Variants in TWIST2 observed in about 807,000 individuals in gnomAD.
TWIST2 encodes the protein twist family bHLH transcription factor 2, also known as twist-related protein 2.
Under a neutral mutation model 11.6 loss-of-function variants are expected in TWIST2, and 1 was observed. The observed-to-expected ratio is 0.09, with a 90% confidence interval of 0.03 to 0.41. The LOEUF (loss-of-function observed/expected upper bound fraction) is 0.41. Ranked by LOEUF, TWIST2 falls within the 10% of genes least tolerant of loss-of-function variation. TWIST2 has a pLI of 0.98. For missense variants in TWIST2, 168 were observed against 226.4 expected, an observed-to-expected ratio of 0.74 and a Z score of 1.66; for synonymous variants, 87 against 96.6, an observed-to-expected ratio of 0.90 and a Z score of 0.58.
At position 238,905,985 on chromosome 2, in the gene TWIST2, ACGTGCGCGTGTGTG is replaced by A. The variant is rs1693348593; in HGVS notation, c.*36-3852_*36-3839del. ...TGTGCGTGTGTGTGCGCGCGCGTGT[ACGTGCGCGTGTGTG>A]CGTGTGCGTGTGTGGTTTTCATACG... On this transcript the variant is annotated intron_variant, in intron 1 of 1. Coordinates refer to ENST00000612363, the MANE Select transcript of TWIST2 (RefSeq NM_001271893.4). Among the ~76,000 whole-genome samples, 3 of 139,466 alleles carry A rather than the reference ACGTGCGCGTGTGTG, an allele frequency of 2.2e-5. No individual in the cohort carries two copies. The East Asian group carries it at 6.1e-4, about 28-fold the overall frequency. The allele number at this position is 139,466 out of a possible 152,430, so 91.5% of individuals were successfully genotyped here.
rs141732218 is a variant in TWIST2, at chr2:238,871,902, G to C, written c.*35+23169G>C. ...CTGCCGGGGGCCGAGGGGAGGAGTG[G>C]GAAGTGCGTGTTTAGTGGGGACAGA... On this transcript the variant is annotated intron_variant, in intron 1 of 1. Transcript: ENST00000612363. Among the ~76,000 whole-genome samples the C allele has an allele frequency of 3.3e-3, 502 of 152,212 alleles. 3 individuals carry two copies. Among genetic ancestry groups the C allele is most frequent in the African/African-American group, 0.011 (474 of 41,498 alleles).
At chr2:238,883,296 G>A (rs1183781467) in intron 1 of TWIST2, among the ~76,000 whole-genome samples, 2 of 152,134 alleles carry the variant, frequency 1.3e-5, no homozygotes, top group Admixed American at 6.5e-5. Flanking sequence ...CAGGATCCAC[G>A]AACACCGTGG....
At chr2:238,853,846 T>A (rs1477931103) in intron 1 of TWIST2, among the ~76,000 whole-genome samples, 1 of 152,216 alleles carries the variant, frequency 6.6e-6, no homozygotes, top group Non-Finnish European at 1.5e-5. Context: ...GCTTCAGATA[T>A]CTGGGCTATT....
intron 1 of TWIST2, among the ~76,000 whole-genome samples, chr2:238,870,655 C>A: frequency 1.6e-5 from 1 of 64,308 alleles, no homozygotes; most frequent in Non-Finnish European, 3.1e-5. Flanking sequence ...CAGCACACAC[C>A]ACACACAAAC....
At chr2:238,856,118 C>T (rs1407396941) in intron 1 of TWIST2, among the ~76,000 whole-genome samples, 1 of 151,976 alleles carries the variant, frequency 6.6e-6, no homozygotes, top group Non-Finnish European at 1.5e-5. Context: ...TTTTATGGCC[C>T]CCGAGGTAGG....
chr2:238,902,314 G>A (rs1381081064), intron 1 of TWIST2, among the ~76,000 whole-genome samples: 1 of 151,532 alleles, frequency 6.6e-6, no homozygotes, highest in Non-Finnish European at 1.5e-5. Context: ...TGTGTGTGAT[G>A]TGTATGTGTG....
intron 1 of TWIST2, among the ~76,000 whole-genome samples, chr2:238,897,136 T>G (rs1363553246): frequency 1.3e-5 from 2 of 152,180 alleles, no homozygotes; most frequent in South Asian, 2.1e-4. Context: ...CACAGAAATA[T>G]TCACCAAATC....
chr2:238,859,094 T>A (rs985619424), intron 1 of TWIST2, among the ~76,000 whole-genome samples: 1 of 151,426 alleles, frequency 6.6e-6, no homozygotes, highest in Non-Finnish European at 1.5e-5. Context: ...CGCTTATAGT[T>A]CCAGCTACTC....
rs951396246 is a variant in TWIST2 at position 238,896,567 on chromosome 2, C to T, written c.*36-13275C>T. On this transcript the variant is annotated intron_variant, in intron 1 of 1. Transcript: ENST00000612363. ...CCTGAACACGTCCTGAGCCACATGTCTCAAAAATTCCCGAGGCCCTGTAAG... is the reference window on the plus strand; with the variant it reads ...CCTGAACACGTCCTGAGCCACATGTTTCAAAAATTCCCGAGGCCCTGTAAG... Among the ~76,000 whole-genome samples the T allele has an allele frequency of 2.6e-5, 4 of 152,194 alleles. No homozygotes were observed. In the South Asian group the frequency reaches 6.2e-4, roughly 24 times the overall value.
intron 1 of TWIST2, among the ~76,000 whole-genome samples, chr2:238,878,850 T>C (rs1415031733): frequency 1.3e-5 from 2 of 152,226 alleles, no homozygotes; most frequent in East Asian, 1.9e-4. Context: ...TCTCTCTTTA[T>C]AGTCCTCCAC....
At chr2:238,860,133 G>A (rs1304241771) in intron 1 of TWIST2, among the ~76,000 whole-genome samples, 1 of 152,186 alleles carries the variant, frequency 6.6e-6, no homozygotes, top group Non-Finnish European at 1.5e-5. Context: ...TCGGTGGACC[G>A]CTTCAGGCTG....
chr2:238,850,892 T>A (rs1006459993), intron 1 of TWIST2, among the ~76,000 whole-genome samples: 1 of 152,128 alleles, frequency 6.6e-6, no homozygotes, highest in Admixed American at 6.6e-5. Flanking sequence ...TATGGAAAAA[T>A]TTTATCCATG....
intron 1 of TWIST2, among the ~76,000 whole-genome samples, chr2:238,865,482 G>A (rs1254826846): frequency 2.6e-5 from 4 of 152,138 alleles, no homozygotes; most frequent in African/African-American, 4.8e-5. Flanking sequence ...GGCCTGAGGC[G>A]CTCGTGTCAG....
chr2:238,904,571 G>A (rs1250284127), intron 1 of TWIST2, among the ~76,000 whole-genome samples: 1 of 151,906 alleles, frequency 6.6e-6, no homozygotes, highest in Non-Finnish European at 1.5e-5. Context: ...ACTGTCCAAC[G>A]GTGTCCATGG....
intron 1 of TWIST2, among the ~76,000 whole-genome samples, chr2:238,873,404 A>G (rs2106361019): frequency 6.6e-6 from 1 of 152,274 alleles, no homozygotes; most frequent in South Asian, 2.1e-4. Flanking sequence ...ATCTGAAGAA[A>G]TGACGCTTGA....
intron 1 of TWIST2, among the ~76,000 whole-genome samples, chr2:238,895,615 T>C: frequency 6.6e-6 from 1 of 152,296 alleles, no homozygotes; most frequent in East Asian, 1.9e-4. Context: ...CTCTGAAAGT[T>C]GGGAGCGGTC....
chr2:238,909,316 G>A (rs908425945), intron 1 of TWIST2, among the ~76,000 whole-genome samples: 1 of 151,992 alleles, frequency 6.6e-6, no homozygotes, highest in South Asian at 2.1e-4. Flanking sequence ...CAATTGTTTT[G>A]AAAGCACGCA....
At chr2:238,904,842 GA>G (rs1355705508) in intron 1 of TWIST2, among the ~76,000 whole-genome samples, 3 of 152,024 alleles carry the variant, frequency 2.0e-5, no homozygotes, top group Non-Finnish European at 4.4e-5. Context: ...AAAAATGAAT[GA>G]ATTGGTGAAA....
At chr2:238,894,462 T>C (rs1693183986) in intron 1 of TWIST2, among the ~76,000 whole-genome samples, 1 of 152,134 alleles carries the variant, frequency 6.6e-6, no homozygotes, top group Non-Finnish European at 1.5e-5. Context: ...ACAGCTGCTG[T>C]CTCCATGTGG....
Sources: allele counts gnomAD v4.1 joint callset (sites outside exome capture counted in the v4.1 genomes callset), GRCh38; gene constraint gnomAD v4.1.1; transcripts MANE v1.5; gene names NCBI Gene and HGNC (gene_info 2026-07-23, HGNC 2026-07-21).